The following SYT9 variants were observed in gnomAD, a reference collection of about 807,000 sequenced individuals.
SYT9 encodes the protein synaptotagmin 9.
A neutral mutation model predicts 48.4 loss-of-function variants in SYT9; 22 were observed. The observed-to-expected ratio is 0.45, with a 90% CI of 0.32 to 0.65. SYT9 has a LOEUF of 0.65. Ranked by LOEUF, SYT9 falls within the 30% of genes least tolerant of loss-of-function variation. The pLI is 0.03. For synonymous variants in SYT9, 265 were observed against 245.0 expected (o/e 1.08, Z -0.76); for missense variants, 577 against 622.0 (o/e 0.93, Z 0.77).
At chr11:7,320,934 G>T (rs981160717) in intron 3 of SYT9, among the ~76,000 whole-genome samples, 31 of 152,118 alleles carry the variant, frequency 2.0e-4, no homozygotes, top group African/African-American at 7.5e-4. Flanking sequence ...AGTGTTCTGG[G>T]TTAATGTTGT....
intron 3 of SYT9, among the ~76,000 whole-genome samples, chr11:7,398,005 T>C (rs1288202118): frequency 6.6e-6 from 1 of 152,198 alleles, no homozygotes; most frequent in Non-Finnish European, 1.5e-5. Flanking sequence ...TCCAGTACAA[T>C]ATTGAACAGA....
At chr11:7,247,206 G>A (rs1462391466), upstream of SYT9, among the ~76,000 whole-genome samples, 1 of 152,094 alleles carries the variant, frequency 6.6e-6, no homozygotes, top group Non-Finnish European at 1.5e-5. Flanking sequence ...CATCACCCAA[G>A]CACTATACGC....
At chr11:7,446,001 G>T (rs1273860163) in intron 6 of SYT9, among the ~76,000 whole-genome samples, 1 of 152,244 alleles carries the variant, frequency 6.6e-6, no homozygotes, top group East Asian at 1.9e-4. Context: ...AGCTGGCATA[G>T]AACTGGTCAC....
intron 3 of SYT9, among the ~76,000 whole-genome samples, chr11:7,325,035 C>T (rs1849405332): frequency 6.6e-6 from 1 of 151,954 alleles, no homozygotes; most frequent in African/African-American, 2.4e-5. Context: ...TATGTCTGGT[C>T]TTTTCAACAT....
chr11:7,312,669 C>T (rs940031457), intron 2 of SYT9, among the ~76,000 whole-genome samples: 1 of 152,190 alleles, frequency 6.6e-6, no homozygotes, highest in Non-Finnish European at 1.5e-5. Context: ...CCAGTTGAAT[C>T]CCTACATGCA....
chr11:7,439,935 G>A (rs1304367816), intron 6 of SYT9: 1 of 152,212 alleles, frequency 6.6e-6, no homozygotes, highest in African/African-American at 2.4e-5. Context: ...GGGTCAATTA[G>A]ATTATGCCAC....
chr11:7,431,655 C>T (rs1304852985), intron 6 of SYT9, among the ~76,000 whole-genome samples: 1 of 152,228 alleles, frequency 6.6e-6, no homozygotes, highest in African/African-American at 2.4e-5. Flanking sequence ...TGGGCCAGGA[C>T]CAGGGCCCCA....
At chr11:7,244,032 T>C (rs924064768) in intron 1 of SYT9, among the ~76,000 whole-genome samples, 2 of 152,046 alleles carry the variant, frequency 1.3e-5, no homozygotes, top group African/African-American at 4.8e-5. Context: ...TGACCTCTGC[T>C]CTCCCTTCTG....
chr11:7,261,752 G>A (rs2119816361), intron 1 of SYT9, among the ~76,000 whole-genome samples: 1 of 151,990 alleles, frequency 6.6e-6, no homozygotes, highest in Non-Finnish European at 1.5e-5. Flanking sequence ...AAGGTCTCAA[G>A]GCAGGAGCAT....
chr11:7,312,268 C>T (rs968343172), intron 2 of SYT9, among the ~76,000 whole-genome samples: 4 of 152,092 alleles, frequency 2.6e-5, no homozygotes, highest in Non-Finnish European at 4.4e-5. Context: ...TCCATTTTTA[C>T]GTCTTTATTT....
intron 1 of SYT9, among the ~76,000 whole-genome samples, chr11:7,282,909 A>AAC (rs567480393): frequency 0.015 from 2,257 of 147,932 alleles, 18 homozygotes; most frequent in South Asian, 0.033. Context: ...ACCGTGTTAA[A>AAC]ACACACACAC....
In SYT9 at chr11:7,324,814, T is replaced by G. The variant is rs912354638; in HGVS notation, c.1044+10873T>G. Among the ~76,000 whole-genome samples, 4 of 152,200 alleles carry G rather than the reference T, an allele frequency of 2.6e-5. No individual in the cohort carries two copies. The East Asian group carries it at 7.7e-4, about 29-fold the overall frequency. ...CTTTATGTTCTCTTACACATCAGTTTTTATAAATGTGCTAGGTGCTCTTGA... is the reference window on the plus strand; with the variant it reads ...CTTTATGTTCTCTTACACATCAGTTGTTATAAATGTGCTAGGTGCTCTTGA... On this transcript the variant is annotated intron_variant, in intron 3 of 6. Coordinates refer to ENST00000318881, the MANE Select transcript of SYT9 (RefSeq NM_175733.4).
intron 3 of SYT9, among the ~76,000 whole-genome samples, chr11:7,321,670 A>C (rs574379783): frequency 6.6e-6 from 1 of 152,314 alleles, no homozygotes; most frequent in Admixed American, 6.5e-5. Flanking sequence ...GGGGTAACTC[A>C]TAGGCAGTGT....
At chr11:7,262,975 T>C (rs2119816898) in intron 1 of SYT9, among the ~76,000 whole-genome samples, 1 of 152,244 alleles carries the variant, frequency 6.6e-6, no homozygotes, top group East Asian at 1.9e-4. Context: ...GTGAAGGGAA[T>C]GACTAGTACA....
chr11:7,418,917 A>G (rs1847300481), intron 5 of SYT9, among the ~76,000 whole-genome samples: 1 of 152,252 alleles, frequency 6.6e-6, no homozygotes. Context: ...AATTATTAAA[A>G]AAAATATTCT....
chr11:7,279,608 A>G (rs148492234), intron 1 of SYT9, among the ~76,000 whole-genome samples: 1 of 152,284 alleles, frequency 6.6e-6, no homozygotes, highest in African/African-American at 2.4e-5. Context: ...AAAATGCCCC[A>G]TCCAGAATCA....
chr11:7,316,832 A>G (rs1199031948), intron 3 of SYT9, among the ~76,000 whole-genome samples: 1 of 152,222 alleles, frequency 6.6e-6, no homozygotes, highest in East Asian at 1.9e-4. Context: ...GTGTGCATGT[A>G]TGCAAAATGA....
At chr11:7,428,166 G>C (rs1272199353) in intron 6 of SYT9, 1 of 152,180 alleles carries the variant, frequency 6.6e-6, no homozygotes, top group African/African-American at 2.4e-5. Context: ...GGAGTACTTA[G>C]GGTAAACACT....
intron 3 of SYT9, among the ~76,000 whole-genome samples, chr11:7,401,229 C>T (rs968106750): frequency 9.2e-5 from 14 of 151,674 alleles, no homozygotes; most frequent in East Asian, 3.9e-4. Flanking sequence ...TCAGTCTATG[C>T]GTGTAAGATA....
Sources: allele counts gnomAD v4.1 joint callset (sites outside exome capture counted in the v4.1 genomes callset), GRCh38; gene constraint gnomAD v4.1.1; transcripts MANE v1.5; gene names NCBI Gene and HGNC (gene_info 2026-07-23, HGNC 2026-07-21).